TRIM67: variants seen among roughly 807,000 people sequenced by gnomAD.
TRIM67 encodes the protein tripartite motif containing 67, also known as tripartite motif-containing protein 67.
A neutral mutation model predicts 71.0 loss-of-function variants in TRIM67; 39 were observed. The observed-to-expected ratio is 0.55, with a 90% CI of 0.43 to 0.72. TRIM67 has a LOEUF of 0.72. Ranked by LOEUF, TRIM67 falls within the 30% of genes least tolerant of loss-of-function variation. TRIM67 has a pLI of 0.00. For synonymous variants in TRIM67, 481 were observed against 473.9 expected, an observed-to-expected ratio of 1.01 and a Z score of -0.19; for missense variants, 973 against 1,079.2, an observed-to-expected ratio of 0.90 and a Z score of 1.38.
At chr1:231,180,977 G>T (rs1278996377) in intron 1 of TRIM67, among the ~76,000 whole-genome samples, 1 of 148,944 alleles carries the variant, frequency 6.7e-6, no homozygotes, top group Non-Finnish European at 1.5e-5. Flanking sequence ...TTGTTTGTTT[G>T]TTTGTTTGTG....
intron 2 of TRIM67, among the ~76,000 whole-genome samples, 166 bp downstream of exon 2, chr1:231,197,632 C>G (rs942594677): frequency 1.3e-5 from 2 of 152,154 alleles, no homozygotes; most frequent in Non-Finnish European, 2.9e-5. Flanking sequence ...TTGAGACCAG[C>G]CTTACCAACA....
In TRIM67 at chr1:231,163,392, G is replaced by A. The variant is rs755932284; in HGVS notation, c.423G>A (p.Ala141=). 5.2e-6 allele frequency: 8 copies of A among 1,535,252 alleles called. No homozygotes were observed. Among genetic ancestry groups the A allele is most frequent in the Middle Eastern group, 1.8e-4 (1 of 5,674 alleles). ...VPAPPGSSAA[A]ARGAACSSLS... ...CACCACCCGGCTCCTCGGCTGCGGCGGCTCGGGGTGCCGCCTGCTCCTCGC... is the reference window on the plus strand; with the variant it reads ...CACCACCCGGCTCCTCGGCTGCGGCAGCTCGGGGTGCCGCCTGCTCCTCGC... Residue 141 remains alanine (A), a synonymous_variant, in exon 1 of 10, where the codon GCG becomes GCA. Transcript: ENST00000366653.
rs754943091 is a variant in TRIM67, at chr1:231,219,017, C to T, written c.*3577C>T. The T allele has an allele frequency of 1.7e-5, 17 of 985,332 alleles. No homozygotes were observed. Among genetic ancestry groups the T allele is most frequent in the East Asian group, 1.1e-4 (1 of 8,820 alleles). 61.0% of individuals were successfully genotyped at this position (985,332 alleles called of 1,614,324 possible). A position where few individuals can be genotyped will look rare whatever the true frequency, so the allele number is the denominator to read the frequency against. On this transcript the variant is annotated 3_prime_UTR_variant, in exon 10 of 10. Transcript: ENST00000366653. ...GAAAGGCTTGGTCCCCCTGGGAAGG[C>T]GGGTTTCGGCACCGGTGGGCAGGTG...
In TRIM67 at chr1:231,218,000, C is replaced by A; in HGVS notation, c.*2560C>A. 8.3e-7 allele frequency: 1 copy of A among 1,203,870 alleles called. No individual in the cohort carries two copies. The highest frequency in any genetic ancestry group is 1.1e-6 in the Non-Finnish European group (1 of 948,228). The allele number at this position is 1,203,870 out of a possible 1,614,324, so 74.6% of individuals were successfully genotyped here. On this transcript the variant is annotated 3_prime_UTR_variant, in exon 10 of 10. Transcript: ENST00000366653. ...CTCCTCCAGGAGCCCAGAAGCAATACGGCCGATGCCAGGGACAGCATCCAG... is the reference window on the plus strand; with the variant it reads ...CTCCTCCAGGAGCCCAGAAGCAATAAGGCCGATGCCAGGGACAGCATCCAG...
intron 6 of TRIM67, among the ~76,000 whole-genome samples, chr1:231,205,142 A>G (rs1683660117): frequency 6.6e-6 from 1 of 152,196 alleles, no homozygotes; most frequent in South Asian, 2.1e-4. Context: ...GCAGCCACAG[A>G]GCTTAAAAAT....
intron 4 of TRIM67, among the ~76,000 whole-genome samples, chr1:231,200,625 C>G (rs761669823): frequency 6.6e-6 from 1 of 152,192 alleles, no homozygotes; most frequent in Non-Finnish European, 1.5e-5. Flanking sequence ...GCAGGCCTGG[C>G]TGGTGACCAG....
Position 231,171,053 on chromosome 1 carries a change from A to T in TRIM67, c.1044+7040A>T, listed in dbSNP as rs562298672. Among the ~76,000 whole-genome samples the T allele has an allele frequency of 2.0e-5, 3 of 152,252 alleles. No homozygotes were observed. In the East Asian group the frequency reaches 5.8e-4, roughly 29 times the overall value. ...GATTTGCATGTACATTAAACTTTGAAATGCCCTAATGGGACTGCTTTTAGA... is the reference window on the plus strand; with the variant it reads ...GATTTGCATGTACATTAAACTTTGATATGCCCTAATGGGACTGCTTTTAGA... On this transcript the variant is annotated intron_variant, in intron 1 of 9. Coordinates refer to ENST00000366653, the MANE Select transcript of TRIM67 (RefSeq NM_001004342.5).
intron 1 of TRIM67, among the ~76,000 whole-genome samples, chr1:231,181,297 C>T (rs1198659943): frequency 6.6e-6 from 1 of 152,188 alleles, no homozygotes; most frequent in East Asian, 1.9e-4. Flanking sequence ...TGTGTTTGGG[C>T]TGTAGCTCCT....
rs1342320930 is a variant in TRIM67 at position 231,169,991 on chromosome 1, C to CTTTTTTTTTTTTTT, written c.1044+5979_1044+5980insTTTTTTTTTTTTTT. 2.0e-3 allele frequency among the ~76,000 whole-genome samples: 259 copies of CTTTTTTTTTTTTTT among 130,054 alleles called. 5 individuals are homozygous for CTTTTTTTTTTTTTT. Among genetic ancestry groups the CTTTTTTTTTTTTTT allele is most frequent in the East Asian group, 9.7e-3 (45 of 4,634 alleles). The allele number at this position is 130,054 out of a possible 152,430, so 85.3% of individuals were successfully genotyped here. ...ACCTTTAAAATGTTTTTTTCTTTCT[C>CTTTTTTTTTTTTTT]TCTTTTTTTTTTGAGTTGGAGTTTC... On this transcript the variant is annotated intron_variant, in intron 1 of 9. Transcript: ENST00000366653.
Position 231,217,945 on chromosome 1 carries a change from G to T in TRIM67, c.*2505G>T. 7.9e-7 allele frequency: 1 copy of T among 1,268,924 alleles called. No individual in the cohort carries two copies. The allele number at this position is 1,268,924 out of a possible 1,614,324, so 78.6% of individuals were successfully genotyped here. A position where few individuals can be genotyped will look rare whatever the true frequency, so the allele number is the denominator to read the frequency against. On this transcript the variant is annotated 3_prime_UTR_variant, in exon 10 of 10. Coordinates refer to ENST00000366653, the MANE Select transcript of TRIM67 (RefSeq NM_001004342.5). ...TCCCTCCTCCCCACTGCCACCCTGAGCTTGGGGGCTGGGATTCTCCCTTTT... is the reference window on the plus strand; with the variant it reads ...TCCCTCCTCCCCACTGCCACCCTGATCTTGGGGGCTGGGATTCTCCCTTTT...
At chr1:231,200,832 A>C (rs1683500359) in intron 4 of TRIM67, among the ~76,000 whole-genome samples, 1 of 152,212 alleles carries the variant, frequency 6.6e-6, no homozygotes, top group African/African-American at 2.4e-5. Context: ...ATGTCTGATA[A>C]GCAGGACTTT....
Position 231,209,064 on chromosome 1 carries a change from T to C in TRIM67, c.1937T>C (p.Phe646Ser). 4 of 1,613,852 alleles carry C rather than the reference T, an allele frequency of 2.5e-6. No homozygotes were observed. Among genetic ancestry groups the C allele is most frequent in the Non-Finnish European group, 3.4e-6 (4 of 1,179,832 alleles). ...CGGGTGGTGCTGGGCACAGCTGCGT[T>C]CTCCAAGGGCGTGCACTACTGGGAG... ...DDRVVLGTAA[F>S]SKGVHYWELH... Residue 646 changes from phenylalanine (F) to serine (S), a missense_variant, in exon 8 of 10, where the codon TTC becomes TCC. Physicochemically the swap from Phe to Ser is radical, Grantham distance 155. Coordinates refer to ENST00000366653, the MANE Select transcript of TRIM67 (RefSeq NM_001004342.5). This position sits in a 1 kb window ranked among gnomAD's most constrained non-coding sequence, Gnocchi z 4.1.
intron 7 of TRIM67, 23 bp from the exon 8 acceptor site, chr1:231,208,924 C>T (rs1268512894): frequency 6.4e-7 from 1 of 1,552,018 alleles, no homozygotes; most frequent in East Asian, 2.3e-5. Context: ...TGACCCTGCT[C>T]CTCTCACCTC....
intron 1 of TRIM67, among the ~76,000 whole-genome samples, chr1:231,186,803 A>G (rs1683089841): frequency 6.6e-6 from 1 of 152,174 alleles, no homozygotes; most frequent in African/African-American, 2.4e-5. Context: ...ACAGGCTTGC[A>G]TTGAGCAGTA....
At chr1:231,178,429 G>A (rs890852007) in intron 1 of TRIM67, among the ~76,000 whole-genome samples, 3 of 152,194 alleles carry the variant, frequency 2.0e-5, no homozygotes, top group African/African-American at 4.8e-5. Flanking sequence ...CCACATGTGC[G>A]TGTTCAATAA....
rs190363834 is a variant in TRIM67 at position 231,184,079 on chromosome 1, C to T, written c.1045-13292C>T. On this transcript the variant is annotated intron_variant, in intron 1 of 9. Transcript: ENST00000366653. Reference sequence around the variant, plus strand: ...CTGCTGGCCTCGAATAGGGTGTTAACGAATCCACTGAAAAGGAATGTTTTT... The same window carrying T: ...CTGCTGGCCTCGAATAGGGTGTTAATGAATCCACTGAAAAGGAATGTTTTT... 8.5e-5 allele frequency: 13 copies of T among 152,268 alleles called. No homozygotes were observed. The East Asian group carries it at 1.9e-3, about 23-fold the overall frequency. The allele number at this position is 152,268 out of a possible 1,614,324, so 9.4% of individuals were successfully genotyped here. A position where few individuals can be genotyped will look rare whatever the true frequency, so the allele number is the denominator to read the frequency against.
At position 231,220,247 on chromosome 1, in the gene TRIM67, G is replaced by C; in HGVS notation, c.*4807G>C. ...AGGGCAAGGAGCTGCCTGGCCTCCA[G>C]TGGGTAAAATAGACCTTTAAGACAG... On this transcript the variant is annotated 3_prime_UTR_variant, in exon 10 of 10. Coordinates refer to ENST00000366653, the MANE Select transcript of TRIM67 (RefSeq NM_001004342.5). 6.3e-6 allele frequency: 2 copies of C among 315,850 alleles called. No individual in the cohort carries two copies. Among genetic ancestry groups the C allele is most frequent in the Non-Finnish European group, 1.2e-5 (2 of 160,546 alleles). The allele number at this position is 315,850 out of a possible 1,614,324, so 19.6% of individuals were successfully genotyped here. A position where few individuals can be genotyped will look rare whatever the true frequency, so the allele number is the denominator to read the frequency against.
At chr1:231,198,315 G>A (rs1436879180) in intron 2 of TRIM67, among the ~76,000 whole-genome samples, 1 of 152,192 alleles carries the variant, frequency 6.6e-6, no homozygotes, top group Non-Finnish European at 1.5e-5. Flanking sequence ...GTGCTCCTGT[G>A]TGAATGTGCA....
intron 9 of TRIM67, 104 bp downstream of exon 9, chr1:231,214,081 C>A: frequency 7.5e-7 from 1 of 1,330,468 alleles, no homozygotes; most frequent in Non-Finnish European, 1.0e-6. Context: ...AAGCTGACCA[C>A]AGAGCCTTCC....
Sources: allele counts gnomAD v4.1 joint callset (sites outside exome capture counted in the v4.1 genomes callset), GRCh38; gene constraint gnomAD v4.1.1; non-coding constraint Gnocchi (gnomAD v3.1); transcripts MANE v1.5; gene names NCBI Gene and HGNC (gene_info 2026-07-23, HGNC 2026-07-21).